The following TACR1 variants were observed in gnomAD, a reference collection of about 807,000 sequenced individuals.
The protein encoded by TACR1 is tachykinin receptor 1, also known as substance-P receptor.
In TACR1, 25 loss-of-function variants were observed where a neutral mutation model predicts 35.8. That is an observed-to-expected ratio of 0.70 (90% CI 0.51 to 0.98). The LOEUF is 0.98. TACR1 is among the 50% of genes least tolerant of loss of function. The pLI is 0.00. For synonymous variants in TACR1, 195 were observed against 206.7 expected (o/e 0.94, Z 0.48); for missense variants, 478 against 522.9 (o/e 0.91, Z 0.84).
intron 1 of TACR1, among the ~76,000 whole-genome samples, chr2:75,173,890 C>A (rs550850415): frequency 1.3e-5 from 2 of 152,210 alleles, no homozygotes; most frequent in Non-Finnish European, 2.9e-5. Flanking sequence ...AGGTGTCTTA[C>A]TCTGCTCCAT....
chr2:75,186,409 A>G (rs1472552162), intron 1 of TACR1, among the ~76,000 whole-genome samples: 5 of 149,940 alleles, frequency 3.3e-5, no homozygotes, highest in Non-Finnish European at 7.4e-5. Flanking sequence ...AAGTCTTGGC[A>G]TGAAATAATT....
chr2:75,161,433 A>G (rs1055631447), intron 1 of TACR1, among the ~76,000 whole-genome samples: 2 of 152,114 alleles, frequency 1.3e-5, no homozygotes, highest in Non-Finnish European at 2.9e-5. Context: ...AGAAAAGAAA[A>G]GGGAATTAGA....
Position 75,145,194 on chromosome 2 carries a change from T to C in TACR1, c.390-24426A>G, listed in dbSNP as rs188847307. ...GACTAAAAGACATTTAATAAAAATG[T>C]ATCATCACTTCTAATATAAGATAGA... On this transcript the variant is annotated intron_variant, in intron 1 of 4. Coordinates refer to ENST00000305249, the MANE Select transcript of TACR1 (RefSeq NM_001058.4). Among the ~76,000 whole-genome samples the C allele has an allele frequency of 1.1e-4, 17 of 152,268 alleles. No individual in the cohort carries two copies. The East Asian group carries it at 2.9e-3, about 26-fold the overall frequency.
At chr2:75,088,562 G>A (rs1409136821) in intron 2 of TACR1, among the ~76,000 whole-genome samples, 1 of 152,118 alleles carries the variant, frequency 6.6e-6, no homozygotes, top group Non-Finnish European at 1.5e-5. Flanking sequence ...AATATTCACT[G>A]AATGAGTGTA....
intron 2 of TACR1, among the ~76,000 whole-genome samples, chr2:75,109,656 A>G (rs1001259476): frequency 6.6e-6 from 1 of 152,234 alleles, no homozygotes; most frequent in Non-Finnish European, 1.5e-5. Flanking sequence ...AAATGAAAAC[A>G]TGGTTACAGA....
In TACR1 at chr2:75,199,205, T is replaced by C; in HGVS notation, c.-271A>G. 1 of 428,708 alleles carries C rather than the reference T, an allele frequency of 2.3e-6. No individual in the cohort carries two copies. Among genetic ancestry groups the C allele is most frequent in the Non-Finnish European group, 4.2e-6 (1 of 237,314 alleles). The allele number at this position is 428,708 out of a possible 1,614,324, so 26.6% of individuals were successfully genotyped here. ...TTCAGAAGTCTGGAGACAGCATCTC[T>C]CTTGCGGTAAACTGAAAAAGGGAAA... On this transcript the variant is annotated 5_prime_UTR_variant, in exon 1 of 5. Coordinates refer to ENST00000305249, the MANE Select transcript of TACR1 (RefSeq NM_001058.4).
chr2:75,193,768 C>T (rs1443273942), intron 1 of TACR1, among the ~76,000 whole-genome samples: 1 of 152,184 alleles, frequency 6.6e-6, no homozygotes, highest in Non-Finnish European at 1.5e-5. Flanking sequence ...GATGTCCCTC[C>T]TCTTGTCTCC....
At chr2:75,147,627 T>C (rs1674539898) in intron 1 of TACR1, among the ~76,000 whole-genome samples, 1 of 152,198 alleles carries the variant, frequency 6.6e-6, no homozygotes, top group Non-Finnish European at 1.5e-5. Context: ...GTTTTCATTG[T>C]TCAACTCCAA....
intron 1 of TACR1, among the ~76,000 whole-genome samples, chr2:75,159,486 T>C (rs527638201): frequency 6.6e-6 from 1 of 152,312 alleles, no homozygotes; most frequent in East Asian, 1.9e-4. Flanking sequence ...TCCTCAGTGA[T>C]ATGCCAGGAA....
chr2:75,073,872 C>T (rs140908481), intron 2 of TACR1, among the ~76,000 whole-genome samples: 28 of 152,306 alleles, frequency 1.8e-4, no homozygotes, highest in Non-Finnish European at 3.4e-4. Flanking sequence ...TACTTTTAGA[C>T]ATTTACAGAA....
chr2:75,144,936 T>A (rs1674473788), intron 1 of TACR1, among the ~76,000 whole-genome samples: 1 of 151,954 alleles, frequency 6.6e-6, no homozygotes, highest in Admixed American at 6.6e-5. Flanking sequence ...ATGTAAAATA[T>A]AAGAGATATG....
intron 2 of TACR1, among the ~76,000 whole-genome samples, chr2:75,055,681 T>C (rs1000061392): frequency 5.9e-5 from 9 of 152,160 alleles, no homozygotes; most frequent in African/African-American, 1.9e-4. Flanking sequence ...CTGAGCAAGA[T>C]TGGGTCTGAG....
At position 75,086,502 on chromosome 2, in the gene TACR1, C is replaced by G. The variant is rs139024976; in HGVS notation, c.585-32747G>C. Among the ~76,000 whole-genome samples the G allele has an allele frequency of 4.8e-3, 730 of 152,270 alleles. 7 individuals carry two copies. The highest frequency in any genetic ancestry group is 0.016 in the African/African-American group (678 of 41,552). On this transcript the variant is annotated intron_variant, in intron 2 of 4. Coordinates refer to ENST00000305249, the MANE Select transcript of TACR1 (RefSeq NM_001058.4). ...CAATAAATATTTACTGACTGACTGACTGACTGAATGAATGAACCAGGTTGG... is the reference window on the plus strand; with the variant it reads ...CAATAAATATTTACTGACTGACTGAGTGACTGAATGAATGAACCAGGTTGG...
chr2:75,078,361 G>T (rs952793207), intron 2 of TACR1, among the ~76,000 whole-genome samples: 7 of 151,828 alleles, frequency 4.6e-5, no homozygotes, highest in Non-Finnish European at 7.4e-5. Context: ...GTAGAGAAGA[G>T]ATTATAGCCC....
chr2:75,153,962 G>A (rs1430774190), intron 1 of TACR1, among the ~76,000 whole-genome samples: 1 of 152,124 alleles, frequency 6.6e-6, no homozygotes, highest in African/African-American at 2.4e-5. Flanking sequence ...TGGGACTGAG[G>A]TCTCTCCATG....
In TACR1 at chr2:75,156,653, A is replaced by C. The variant is rs575861085; in HGVS notation, c.390-35885T>G. On this transcript the variant is annotated intron_variant, in intron 1 of 4. Transcript: ENST00000305249. ...ATTCTACCCAAGAGTGTCTGGAGGC[A>C]GCACAGCCCTTCCAACACCTCGATT... Among the ~76,000 whole-genome samples the C allele has an allele frequency of 4.6e-5, 7 of 150,994 alleles. No individual in the cohort carries two copies. In the Admixed American group the frequency reaches 4.7e-4, roughly 10 times the overall value.
chr2:75,089,287 C>T (rs1000215289), intron 2 of TACR1, among the ~76,000 whole-genome samples: 1 of 152,180 alleles, frequency 6.6e-6, no homozygotes, highest in African/African-American at 2.4e-5. Context: ...CAAAGATATA[C>T]CAAGAAGAAT....
intron 1 of TACR1, among the ~76,000 whole-genome samples, chr2:75,147,954 G>A (rs1050264863): frequency 6.6e-6 from 1 of 151,812 alleles, no homozygotes; most frequent in Non-Finnish European, 1.5e-5. Context: ...CAACGTGTTA[G>A]CCAGGATGGT....
At chr2:75,138,534 A>G (rs148657815) in intron 1 of TACR1, among the ~76,000 whole-genome samples, 23 of 152,264 alleles carry the variant, frequency 1.5e-4, no homozygotes, top group African/African-American at 5.3e-4. Flanking sequence ...AAACTGAGGA[A>G]ATGTTTGAAC....
Sources: allele counts gnomAD v4.1 joint callset (sites outside exome capture counted in the v4.1 genomes callset), GRCh38; gene constraint gnomAD v4.1.1; transcripts MANE v1.5; gene names NCBI Gene and HGNC (gene_info 2026-07-23, HGNC 2026-07-21).